The following LAPTM4A variants were observed in gnomAD, a reference collection of about 807,000 sequenced individuals.
The protein encoded by LAPTM4A is lysosomal protein transmembrane 4 alpha, also known as lysosomal-associated transmembrane protein 4A.
LAPTM4A carries 19 observed loss-of-function variants against 29.9 expected under a neutral mutation model. The ratio of observed to expected loss-of-function variants is 0.64; its 90% CI spans 0.44 to 0.93. LAPTM4A has a LOEUF of 0.93. LAPTM4A is among the 40% of genes least tolerant of loss of function. The pLI is 0.00. For synonymous variants in LAPTM4A, 105 were observed against 102.1 expected (o/e 1.03, Z -0.17); for missense variants, 293 against 288.5 (o/e 1.02, Z -0.11).
In LAPTM4A at chr2:20,045,796, A is replaced by T. The variant is rs1377007063; in HGVS notation, c.112-4785T>A. 4.7e-5 allele frequency among the ~76,000 whole-genome samples: 7 copies of T among 150,516 alleles called. No homozygotes were observed. The East Asian group carries it at 1.4e-3, about 29-fold the overall frequency. ...TTCCAGAAGATTCTCTGGAGACTTT[A>T]AAAAAAAAATCATTTTTCAGTTTTC... is the stretch of plus-strand genomic sequence containing the variant. On this transcript the variant is annotated intron_variant, in intron 1 of 6. Transcript: ENST00000175091.
intron 1 of LAPTM4A, among the ~76,000 whole-genome samples, chr2:20,046,731 CTATA>C (rs1673928739): frequency 7.6e-6 from 1 of 130,962 alleles, no homozygotes; most frequent in African/African-American, 2.7e-5. Flanking sequence ...TATTATATAT[CTATA>C]TATAAATATA....
chr2:20,042,936 T>C (rs1673833286), intron 1 of LAPTM4A, among the ~76,000 whole-genome samples: 2 of 152,204 alleles, frequency 1.3e-5, no homozygotes, highest in African/African-American at 2.4e-5. Flanking sequence ...CTATCAGTAG[T>C]ATTTTAATTT....
At chr2:20,034,906 A>G in intron 5 of LAPTM4A, 61 bp downstream of exon 5, 5 of 1,245,716 alleles carry the variant, frequency 4.0e-6, no homozygotes, top group Non-Finnish European at 2.3e-6. Context: ...AAAGGCAGCA[A>G]AAAGGTTTAG....
chr2:20,035,741 T>G (rs1673664652), intron 4 of LAPTM4A, among the ~76,000 whole-genome samples: 1 of 152,190 alleles, frequency 6.6e-6, no homozygotes, highest in Admixed American at 6.5e-5. Context: ...CCTTCCAGTC[T>G]GAGGCACTAA....
intron 1 of LAPTM4A, among the ~76,000 whole-genome samples, chr2:20,049,158 G>A (rs1418006132): frequency 6.6e-6 from 1 of 152,184 alleles, no homozygotes; most frequent in Non-Finnish European, 1.5e-5. Flanking sequence ...TGTTAGACAA[G>A]AAACATTTGA....
intron 1 of LAPTM4A, among the ~76,000 whole-genome samples, chr2:20,041,845 C>T (rs1192866597): frequency 6.6e-6 from 1 of 152,066 alleles, no homozygotes; most frequent in Admixed American, 6.5e-5. Context: ...CTTAAATCTA[C>T]CTTTTGAGAT....
In LAPTM4A at chr2:20,033,253, G is replaced by T. The variant is rs141916715; in HGVS notation, c.654C>A (p.Ala218=). 9.9e-6 allele frequency: 16 copies of T among 1,613,794 alleles called. No individual in the cohort carries two copies. Among genetic ancestry groups the T allele is most frequent in the Non-Finnish European group, 1.3e-5 (15 of 1,179,932 alleles). ...PQYVLPTYEM[A]VKMPEKEPPP... ...GTGGTTCTTTTTCAGGCATTTTCAC[G>T]GCCATTTCATAGGTTGGCAAAACGT... The change falls in exon 7 of 7, where the codon GCC becomes GCA. Residue 218 remains alanine (A), a synonymous_variant. Coordinates refer to ENST00000175091, the MANE Select transcript of LAPTM4A (RefSeq NM_014713.5).
intron 1 of LAPTM4A, among the ~76,000 whole-genome samples, chr2:20,046,108 C>T (rs1286011111): frequency 2.6e-5 from 4 of 152,174 alleles, no homozygotes; most frequent in Non-Finnish European, 4.4e-5. Flanking sequence ...AAACCAAACA[C>T]CGCATGTTCT....
At chr2:20,036,156 A>G (rs1028051) in intron 4 of LAPTM4A, among the ~76,000 whole-genome samples, 26,466 of 151,326 alleles carry the variant, frequency 0.17, 2,758 homozygotes, top group East Asian at 0.44. Flanking sequence ...GCAGAGAGCC[A>G]CACAGAAGCC....
chr2:20,051,252 A>G (rs910384767), intron 1 of LAPTM4A, among the ~76,000 whole-genome samples, 158 bp downstream of exon 1: 15 of 151,410 alleles, frequency 9.9e-5, no homozygotes, highest in South Asian at 2.1e-4. Context: ...TTACTTTCCC[A>G]AAGTCCTTGG....
At chr2:20,040,703 T>A (rs3731672) in intron 2 of LAPTM4A, among the ~76,000 whole-genome samples, 188 bp downstream of exon 2, 1 of 152,066 alleles carries the variant, frequency 6.6e-6, no homozygotes, top group Admixed American at 6.6e-5. Flanking sequence ...AGCCTAGGAG[T>A]CTCTACCACA....
At chr2:20,049,062 C>T (rs1194349840) in intron 1 of LAPTM4A, among the ~76,000 whole-genome samples, 1 of 152,158 alleles carries the variant, frequency 6.6e-6, no homozygotes, top group Non-Finnish European at 1.5e-5. Flanking sequence ...TGATCACCTT[C>T]TCCTCCTCCT....
At chr2:20,048,062 G>C (rs972776604) in intron 1 of LAPTM4A, among the ~76,000 whole-genome samples, 3 of 152,164 alleles carry the variant, frequency 2.0e-5, no homozygotes, top group Admixed American at 1.3e-4. Context: ...CCCAGATACA[G>C]AACTTCAAAC....
intron 2 of LAPTM4A, 108 bp downstream of exon 2, chr2:20,040,783 A>G: frequency 1.9e-6 from 2 of 1,069,980 alleles, no homozygotes; most frequent in Admixed American, 1.9e-5. Context: ...TCACACAACA[A>G]TATCACCCAG....
Position 20,037,586 on chromosome 2 carries a change from A to G in LAPTM4A, c.261T>C (p.Ser87=), listed in dbSNP as rs540734640. The G allele has an allele frequency of 3.7e-6, 6 of 1,609,004 alleles. No individual in the cohort carries two copies. The East Asian group carries it at 1.1e-4, about 30-fold the overall frequency. Residue 87 remains serine (S), a synonymous_variant, in exon 3 of 7, where the codon TCT becomes TCC. Coordinates refer to ENST00000175091, the MANE Select transcript of LAPTM4A (RefSeq NM_014713.5). The part of the protein sequence containing the change: ...ADNACVLFAV[S]VLMFIISSML... ...TTGAACTGATTATAAACATAAGAACAGAGACGGCAAAAAGAACACAGGCAT... is the reference window on the plus strand; with the variant it reads ...TTGAACTGATTATAAACATAAGAACGGAGACGGCAAAAAGAACACAGGCAT...
rs1356050394 is a variant in LAPTM4A at position 20,040,939 on chromosome 2, T to A, written c.184A>T (p.Ile62Phe). The A allele has an allele frequency of 6.2e-7, 1 of 1,613,776 alleles. No individual in the cohort carries two copies. The highest frequency in any genetic ancestry group is 1.7e-5 in the Admixed American group (1 of 60,026). Reference sequence around the variant, plus strand: ...TAATTACCGATGACTTCATACTGAATGTTGACAGCTGGCATGGAGTTTGGA... The same window carrying A: ...TAATTACCGATGACTTCATACTGAAAGTTGACAGCTGGCATGGAGTTTGGA... ...THPNSMPAVNIQYEVIGNYYS... is the reference protein window; with the variant it reads ...THPNSMPAVNFQYEVIGNYYS... Residue 62 changes from isoleucine to phenylalanine, a missense_variant, in exon 2 of 7, where the codon ATT becomes TTT. Transcript: ENST00000175091.
intron 1 of LAPTM4A, among the ~76,000 whole-genome samples, chr2:20,046,675 A>ATG (rs1332261909): frequency 1.4e-5 from 2 of 147,502 alleles, no homozygotes; most frequent in African/African-American, 2.5e-5. Flanking sequence ...ATATGTATGT[A>ATG]TGTGTGTGTG....
At position 20,034,978 on chromosome 2, in the gene LAPTM4A, T is replaced by C. The variant is rs371183381; in HGVS notation, c.517A>G (p.Ile173Val). The C allele has an allele frequency of 4.3e-6, 7 of 1,610,886 alleles. No homozygotes were observed. Among genetic ancestry groups the C allele is most frequent in the Middle Eastern group, 1.6e-4 (1 of 6,084 alleles). ...FIVLVFFALF[I>V]IFKAYLINCV... ...AGTCAGCAACGTACCTTAAAAATGA[T>C]GAATAAGGCAAAGAACACAAGAACA... Residue 173 changes from isoleucine (I) to valine (V), a missense_variant, in exon 5 of 7, where the codon ATC becomes GTC. Physicochemically the swap from Ile to Val is conservative, Grantham distance 29. Coordinates refer to ENST00000175091, the MANE Select transcript of LAPTM4A (RefSeq NM_014713.5).
chr2:20,034,264 TG>T (rs1673634871), intron 6 of LAPTM4A, 52 bp downstream of exon 6: 1 of 1,210,104 alleles, frequency 8.3e-7, no homozygotes, highest in Non-Finnish European at 1.2e-6. Context: ...GTTCTTCTCC[TG>T]GAACAGTCAA....
Sources: gnomAD v4.1 joint callset for allele counts (sites outside exome capture counted in the v4.1 genomes callset) on GRCh38, gnomAD v4.1.1 for gene constraint, MANE v1.5 for transcripts, NCBI Gene and HGNC (gene_info 2026-07-23, HGNC 2026-07-21) for gene names.